Variants in SLC22A4 observed in about 807,000 individuals in gnomAD.
SLC22A4 encodes the protein ET transporter.
Under a neutral mutation model 56.6 loss-of-function variants are expected in SLC22A4, and 39 were observed. That is an observed-to-expected ratio of 0.69 (90% CI 0.53 to 0.90). The LOEUF (loss-of-function observed/expected upper bound fraction) is 0.90. SLC22A4 is among the 40% of genes least tolerant of loss of function. The pLI, the probability that SLC22A4 is intolerant of heterozygous loss-of-function variation, is 0.00. For missense variants in SLC22A4, 594 were observed against 696.5 expected, an observed-to-expected ratio of 0.85 and a Z score of 1.66; for synonymous variants, 241 against 281.4, an observed-to-expected ratio of 0.86 and a Z score of 1.44.
intron 1 of SLC22A4, among the ~76,000 whole-genome samples, chr5:132,298,881 G>A (rs1398696317): frequency 1.3e-5 from 2 of 152,252 alleles, no homozygotes; most frequent in Non-Finnish European, 2.9e-5. Context: ...TGTGGCCTGT[G>A]TAATAGGTGA....
intron 2 of SLC22A4, 80 bp from the exon 3 acceptor site, chr5:132,313,534 C>A: frequency 7.8e-7 from 1 of 1,279,672 alleles, no homozygotes; most frequent in Non-Finnish European, 1.1e-6. Flanking sequence ...ACTAAGTCTG[C>A]ATTGATGCCT....
chr5:132,320,844 T>C (rs1228023543), intron 3 of SLC22A4: 1 of 152,242 alleles, frequency 6.6e-6, no homozygotes, highest in Non-Finnish European at 1.5e-5. Context: ...ACCTTTGAAT[T>C]ATCTGTTTTG....
chr5:132,337,618 T>C (rs1248363234), intron 8 of SLC22A4, among the ~76,000 whole-genome samples: 1 of 151,862 alleles, frequency 6.6e-6, no homozygotes, highest in African/African-American at 2.4e-5. Context: ...ATGTGAAAAA[T>C]GGATATCATT....
At chr5:132,321,437 CT>C (rs1750536076) in intron 3 of SLC22A4, among the ~76,000 whole-genome samples, 1 of 152,164 alleles carries the variant, frequency 6.6e-6, no homozygotes, top group African/African-American at 2.4e-5. Flanking sequence ...CAGTTCAGAA[CT>C]GTTGGAAAGG....
At chr5:132,336,584 G>A (rs1262192701) in intron 8 of SLC22A4, among the ~76,000 whole-genome samples, 1 of 152,116 alleles carries the variant, frequency 6.6e-6, no homozygotes, top group Non-Finnish European at 1.5e-5. Context: ...CATTATATAT[G>A]TTAAAACTTT....
intron 6 of SLC22A4, among the ~76,000 whole-genome samples, chr5:132,333,471 G>A (rs2126735760): frequency 6.6e-6 from 1 of 152,326 alleles, no homozygotes; most frequent in Admixed American, 6.5e-5. Context: ...AGTTGAGGTG[G>A]TGCCTTCATG....
At chr5:132,318,021 T>C (rs748118499) in intron 3 of SLC22A4, among the ~76,000 whole-genome samples, 3 of 152,238 alleles carry the variant, frequency 2.0e-5, no homozygotes, top group Non-Finnish European at 4.4e-5. Context: ...CTGCAGCCAA[T>C]GCAGCTGTCA....
Position 132,340,634 on chromosome 5 carries a change from T to G in SLC22A4, c.1514T>G (p.Leu505Arg). The G allele has an allele frequency of 6.2e-7, 1 of 1,600,080 alleles. No individual in the cohort carries two copies. Among genetic ancestry groups the G allele is most frequent in the Admixed American group, 1.7e-5 (1 of 59,674 alleles). Residue 505 changes from leucine to arginine, a missense_variant, in exon 9 of 10, where the codon CTT becomes CGT. Coordinates refer to ENST00000200652, the MANE Select transcript of SLC22A4 (RefSeq NM_003059.3). Reference sequence around the variant, plus strand: ...ACTGTCCTGATTGGAATCCTCACCCTTTTTTTCCCTGAAAGTTTGGGAATG... The same window carrying G: ...ACTGTCCTGATTGGAATCCTCACCCGTTTTTTCCCTGAAAGTTTGGGAATG... ...SLTVLIGILT[L>R]FFPESLGMTL...
Position 132,294,672 on chromosome 5 carries a change from G to T in SLC22A4, c.56G>T (p.Arg19Leu), listed in dbSNP as rs779117302. 4 of 1,614,026 alleles carry T rather than the reference G, an allele frequency of 2.5e-6. No individual in the cohort carries two copies. Among genetic ancestry groups the T allele is most frequent in the East Asian group, 4.5e-5 (2 of 44,874 alleles). Residue 19 changes from arginine to leucine, a missense_variant, in exon 1 of 10, where the codon CGC becomes CTC. By Grantham distance (102) the Arg-to-Leu change is moderately radical. Coordinates refer to ENST00000200652, the MANE Select transcript of SLC22A4 (RefSeq NM_003059.3). The surrounding 1 kb of genome is among the most constrained non-coding windows in gnomAD (Gnocchi z 5.6). ...AFLGEWGPFQRLIFFLLSASI... is the reference protein window; with the variant it reads ...AFLGEWGPFQLLIFFLLSASI... Reference sequence around the variant, plus strand: ...CTGGGCGAGTGGGGGCCCTTCCAGCGCCTCATCTTCTTCCTGCTCAGCGCC... The same window carrying T: ...CTGGGCGAGTGGGGGCCCTTCCAGCTCCTCATCTTCTTCCTGCTCAGCGCC...
rs989401134 is a variant in SLC22A4 at position 132,334,742 on chromosome 5, T to A, written c.1071T>A (p.Phe357Leu). 18 of 1,613,892 alleles carry A rather than the reference T, an allele frequency of 1.1e-5. No individual in the cohort carries two copies. The highest frequency in any genetic ancestry group is 1.6e-4 in the Middle Eastern group (1 of 6,062). Residue 357 changes from phenylalanine (F) to leucine (L), a missense_variant, in exon 7 of 10, where the codon TTT becomes TTA. Transcript: ENST00000200652. ...LLWMLTSVGY[F>L]ALSLDAPNLH... is the part of the protein sequence containing the mutation. ...GGATGCTGACCTCAGTGGGTTACTTTGCTCTGTCTCTGGATGCTCCTAATT... is the reference window on the plus strand; with the variant it reads ...GGATGCTGACCTCAGTGGGTTACTTAGCTCTGTCTCTGGATGCTCCTAATT...
chr5:132,309,545 T>A (rs1750128113), intron 1 of SLC22A4, among the ~76,000 whole-genome samples: 1 of 152,184 alleles, frequency 6.6e-6, no homozygotes. Flanking sequence ...GAGATGGCCC[T>A]CACCTCACCC....
intron 5 of SLC22A4, 60 bp from the exon 6 acceptor site, chr5:132,331,696 C>A: frequency 8.3e-7 from 1 of 1,201,640 alleles, no homozygotes; most frequent in Non-Finnish European, 1.2e-6. Flanking sequence ...TGCATCATAG[C>A]CAAAGATACT....
intron 8 of SLC22A4, among the ~76,000 whole-genome samples, chr5:132,337,365 C>T (rs1051950366): frequency 1.3e-5 from 2 of 150,762 alleles, no homozygotes; most frequent in Admixed American, 6.6e-5. Flanking sequence ...CTCAATCCCC[C>T]AGGCTCAAGA....
At chr5:132,312,300 C>T in intron 2 of SLC22A4, 36 bp downstream of exon 2, 2 of 1,281,030 alleles carry the variant, frequency 1.6e-6, no homozygotes, top group East Asian at 2.3e-5. Context: ...TGGGATGGTG[C>T]CCCTTGTCAA....
At position 132,331,826 on chromosome 5, in the gene SLC22A4, T is replaced by C. The variant is rs1448099125; in HGVS notation, c.1022T>C (p.Met341Thr). ...TTCAGGACTCGGAATATTGCCATAATGACCATTATGTCTTTGCTGCTATGG... is the reference window on the plus strand; with the variant it reads ...TTCAGGACTCGGAATATTGCCATAACGACCATTATGTCTTTGCTGCTATGG... ...DLFRTRNIAI[M>T]TIMSLLLWML... Residue 341 changes from methionine to threonine, a missense_variant, in exon 6 of 10, where the codon ATG (methionine) becomes ACG (threonine). Transcript: ENST00000200652. 1.2e-6 allele frequency: 2 copies of C among 1,611,696 alleles called. No individual in the cohort carries two copies. Among genetic ancestry groups the C allele is most frequent in the East Asian group, 2.2e-5 (1 of 44,864 alleles).
chr5:132,307,747 A>C (rs762524691), intron 1 of SLC22A4, among the ~76,000 whole-genome samples: 22 of 152,170 alleles, frequency 1.4e-4, no homozygotes, highest in Non-Finnish European at 2.9e-4. Context: ...CACACAGTCC[A>C]AAGTTGCAGA....
intron 1 of SLC22A4, among the ~76,000 whole-genome samples, chr5:132,305,979 A>C (rs1019474298): frequency 7.9e-5 from 12 of 152,196 alleles, no homozygotes; most frequent in African/African-American, 2.4e-4. Context: ...GATTCAATGC[A>C]AAAGATGTTC....
In SLC22A4 at chr5:132,313,786, G is replaced by C; in HGVS notation, c.652+18G>C. ...CATACTAGGTAGGAATGGCTTCTGG[G>C]ACATGGGGTGCTTCCCTCTAACCCT... On this transcript the variant is annotated intron_variant, in intron 3 of 9. Transcript: ENST00000200652. 6.2e-7 allele frequency: 1 copy of C among 1,613,278 alleles called. No homozygotes were observed. The highest frequency in any genetic ancestry group is 8.5e-7 in the Non-Finnish European group (1 of 1,179,334).
chr5:132,340,682 AG>A lies in SLC22A4; in HGVS notation c.1563del (p.Met522CysfsTer4). ...ATGACTCTTCCAGAAACCTTAGAGC[AG>A]ATGCAGAAAGTGAAATGGTAAGTAG... ...LGMTLPETLE[Q>X]MQKVKWFRSG... On this transcript the variant is annotated frameshift_variant, in exon 9 of 10. Coordinates refer to ENST00000200652, the MANE Select transcript of SLC22A4 (RefSeq NM_003059.3). LOFTEE classifies it high-confidence loss of function. 4 of 1,614,164 alleles carry A rather than the reference AG, an allele frequency of 2.5e-6. No individual in the cohort carries two copies. Among genetic ancestry groups the A allele is most frequent in the Non-Finnish European group, 3.4e-6 (4 of 1,179,976 alleles).
Sources: allele counts gnomAD v4.1 joint callset (sites outside exome capture counted in the v4.1 genomes callset), GRCh38; gene constraint gnomAD v4.1.1; non-coding constraint Gnocchi (gnomAD v3.1); transcripts MANE v1.5; gene names NCBI Gene and HGNC (gene_info 2026-07-23, HGNC 2026-07-21).